The following CDK19 variants were observed in gnomAD, a reference collection of about 807,000 sequenced individuals.
CDK19 encodes the protein cyclin-dependent kinase 19.
Under a neutral mutation model 68.3 loss-of-function variants are expected in CDK19, and 20 were observed. That is an observed-to-expected ratio of 0.29 (90% CI 0.21 to 0.43). The LOEUF is 0.43. Ranked by LOEUF, CDK19 falls within the 20% of genes least tolerant of loss-of-function variation. CDK19 has a pLI of 1.00. For missense variants in CDK19, 339 were observed against 623.5 expected (o/e 0.54, Z 4.86); for synonymous variants, 221 against 222.8 (o/e 0.99, Z 0.07).
At chr6:110,616,729 G>A (rs1027696032) in intron 12 of CDK19, among the ~76,000 whole-genome samples, 1 of 151,138 alleles carries the variant, frequency 6.6e-6, no homozygotes, top group East Asian at 1.9e-4. Context: ...CAACTGAATA[G>A]TCACATTGGT....
At position 110,746,118 on chromosome 6, in the gene CDK19, C is replaced by T. The variant is rs745899152; in HGVS notation, c.204+8G>A. ...ATAAAATAAATAACTGTATTTGTAT[C>T]CACTTACTGCAATCTCTCTACAAGC... On this transcript the variant is annotated splice_region_variant and intron_variant, in intron 2 of 12. Transcript: ENST00000368911. The T allele has an allele frequency of 3.3e-6, 5 of 1,497,056 alleles. No homozygotes were observed. The highest frequency in any genetic ancestry group is 4.6e-6 in the Non-Finnish European group (5 of 1,098,342). 92.7% of individuals were successfully genotyped at this position (1,497,056 alleles called of 1,614,324 possible).
At chr6:110,632,559 C>A (rs1779506193) in intron 5 of CDK19, among the ~76,000 whole-genome samples, 3 of 152,058 alleles carry the variant, frequency 2.0e-5, no homozygotes, top group African/African-American at 4.8e-5. Flanking sequence ...GGTGAAACAC[C>A]ATCTCTACTA....
At chr6:110,785,838 G>A (rs1781175444) in intron 1 of CDK19, among the ~76,000 whole-genome samples, 2 of 152,100 alleles carry the variant, frequency 1.3e-5, no homozygotes, top group Admixed American at 6.6e-5. Context: ...AAATCAGCCA[G>A]GCGTGCTGGC....
chr6:110,776,920 C>A (rs1780438051), intron 1 of CDK19, among the ~76,000 whole-genome samples: 1 of 152,134 alleles, frequency 6.6e-6, no homozygotes, highest in African/African-American at 2.4e-5. Context: ...GAGATAGGTA[C>A]TATTATACTT....
intron 4 of CDK19, among the ~76,000 whole-genome samples, chr6:110,639,808 TC>T (rs1374579532): frequency 6.6e-6 from 1 of 152,148 alleles, no homozygotes; most frequent in East Asian, 1.9e-4. Context: ...GGGAATGGTG[TC>T]CATTAGACGG....
chr6:110,681,191 C>A (rs553518296), intron 2 of CDK19, among the ~76,000 whole-genome samples: 1 of 151,968 alleles, frequency 6.6e-6, no homozygotes, highest in African/African-American at 2.4e-5. Context: ...ACTAAAAATA[C>A]AAAAATCAGC....
chr6:110,755,630 C>G (rs1192021793), intron 1 of CDK19, among the ~76,000 whole-genome samples: 3 of 152,086 alleles, frequency 2.0e-5, no homozygotes, highest in Non-Finnish European at 4.4e-5. Flanking sequence ...TATATCCAAG[C>G]AATTAGCCAA....
At chr6:110,787,660 T>G (rs1005594444) in intron 1 of CDK19, among the ~76,000 whole-genome samples, 29 of 152,312 alleles carry the variant, frequency 1.9e-4, no homozygotes, top group Middle Eastern at 3.4e-3. Context: ...CAAGCTGGTC[T>G]CAAACTCCTG....
At chr6:110,744,155 T>C (rs994307869) in intron 2 of CDK19, among the ~76,000 whole-genome samples, 5 of 151,508 alleles carry the variant, frequency 3.3e-5, no homozygotes, top group African/African-American at 1.2e-4. Context: ...TACAGGCGCA[T>C]GCCACCACAC....
chr6:110,717,570 T>G (rs559323031), intron 2 of CDK19, among the ~76,000 whole-genome samples: 2 of 152,356 alleles, frequency 1.3e-5, no homozygotes, highest in East Asian at 3.9e-4. Flanking sequence ...AAACACATTT[T>G]AAACGGTACA....
At chr6:110,720,921 T>G (rs1200548090) in intron 2 of CDK19, among the ~76,000 whole-genome samples, 2 of 151,232 alleles carry the variant, frequency 1.3e-5, no homozygotes, top group Non-Finnish European at 3.0e-5. Context: ...ACGTCAAATG[T>G]CACAGTTGCC....
chr6:110,793,518 G>A (rs1781735443), intron 1 of CDK19, among the ~76,000 whole-genome samples: 1 of 152,200 alleles, frequency 6.6e-6, no homozygotes, highest in African/African-American at 2.4e-5. Context: ...CAGTGTGGGA[G>A]ACAGTTATAG....
At chr6:110,798,854 C>T (rs1782141425) in intron 1 of CDK19, among the ~76,000 whole-genome samples, 1 of 151,756 alleles carries the variant, frequency 6.6e-6, no homozygotes, top group Admixed American at 6.6e-5. Flanking sequence ...CTTAAAAAGA[C>T]ATCCTCAGCC....
At chr6:110,625,354 T>C (rs889475953) in intron 8 of CDK19, among the ~76,000 whole-genome samples, 2 of 151,804 alleles carry the variant, frequency 1.3e-5, no homozygotes, top group Non-Finnish European at 2.9e-5. Context: ...AGAGATAGGG[T>C]CTAACTATGT....
chr6:110,729,746 T>G (rs1776610730), intron 2 of CDK19, among the ~76,000 whole-genome samples: 1 of 152,008 alleles, frequency 6.6e-6, no homozygotes, highest in South Asian at 2.1e-4. Flanking sequence ...TTTATTTTTA[T>G]TTTTTGAGAC....
At chr6:110,701,159 G>A (rs1212803490) in intron 2 of CDK19, among the ~76,000 whole-genome samples, 3 of 151,964 alleles carry the variant, frequency 2.0e-5, no homozygotes, top group Admixed American at 6.6e-5. Context: ...AGCCGAGATC[G>A]TGCCACTGCA....
intron 2 of CDK19, among the ~76,000 whole-genome samples, chr6:110,718,459 G>T (rs2114727115): frequency 6.6e-6 from 1 of 152,232 alleles, no homozygotes; most frequent in East Asian, 1.9e-4. Flanking sequence ...CAGTAAGGAA[G>T]CTTGTTGTAT....
chr6:110,656,904 A>G (rs13205298), intron 4 of CDK19, among the ~76,000 whole-genome samples: 3,216 of 152,378 alleles, frequency 0.021, 75 homozygotes, highest in East Asian at 0.099. Context: ...CATGGTAGGA[A>G]TAATGCTACA....
intron 6 of CDK19, among the ~76,000 whole-genome samples, chr6:110,628,238 T>G (rs1311216426): frequency 2.6e-5 from 4 of 152,014 alleles, no homozygotes; most frequent in Non-Finnish European, 5.9e-5. Context: ...AACTATGGTA[T>G]AGCATAAAAA....
Sources: gnomAD v4.1 joint callset for allele counts (sites outside exome capture counted in the v4.1 genomes callset) on GRCh38, gnomAD v4.1.1 for gene constraint, MANE v1.5 for transcripts, NCBI Gene and HGNC (gene_info 2026-07-23, HGNC 2026-07-21) for gene names.